SCN2A: variants seen among roughly 807,000 people sequenced by gnomAD.
SCN2A encodes sodium voltage-gated channel alpha subunit 2.
A neutral mutation model predicts 188.7 loss-of-function variants in SCN2A; 20 were observed. The observed-to-expected ratio is 0.11, with a 90% CI of 0.07 to 0.15. The LOEUF (loss-of-function observed/expected upper bound fraction) is 0.15, where lower values mean the gene tolerates loss of function less well. Among genes scored for constraint, SCN2A ranks in the 10% least tolerant of loss-of-function variants. SCN2A has a pLI of 1.00. For missense variants in SCN2A, 1,278 were observed against 2,445.0 expected, an observed-to-expected ratio of 0.52 and a Z score of 10.07; for synonymous variants, 804 against 833.1, an observed-to-expected ratio of 0.97 and a Z score of 0.60.
At chr2:165,289,402 T>C (rs1574507736) in intron 1 of SCN2A, among the ~76,000 whole-genome samples, 1 of 152,082 alleles carries the variant, frequency 6.6e-6, no homozygotes, top group African/African-American at 2.4e-5. Context: ...GAATTTAGAA[T>C]CCCAATTCTT....
intron 17 of SCN2A, among the ~76,000 whole-genome samples, chr2:165,364,214 C>T (rs1574688880): frequency 6.6e-6 from 1 of 151,994 alleles, no homozygotes; most frequent in Non-Finnish European, 1.5e-5. Context: ...GTAACAGGTC[C>T]GAGAATGCTG....
intron 19 of SCN2A, among the ~76,000 whole-genome samples, chr2:165,367,724 T>A (rs1034960165): frequency 2.6e-5 from 4 of 152,194 alleles, no homozygotes; most frequent in Non-Finnish European, 5.9e-5. Flanking sequence ...CCCTGACCCC[T>A]TTGCAGGTGA....
At chr2:165,349,198 G>A (rs73969372) in intron 16 of SCN2A, among the ~76,000 whole-genome samples, 4,547 of 152,272 alleles carry the variant, frequency 0.03, 211 homozygotes, top group African/African-American at 0.1. Context: ...AAAAGAAAAC[G>A]CAGAGAACAG....
At chr2:165,303,533 C>T (rs1270384584) in intron 3 of SCN2A, among the ~76,000 whole-genome samples, 1 of 152,014 alleles carries the variant, frequency 6.6e-6, no homozygotes, top group Non-Finnish European at 1.5e-5. Context: ...CCTCGGCCTC[C>T]CAAAGTGCTG....
At chr2:165,297,862 G>A (rs1234654134) in intron 3 of SCN2A, among the ~76,000 whole-genome samples, 1 of 151,954 alleles carries the variant, frequency 6.6e-6, no homozygotes, top group Admixed American at 6.5e-5. Flanking sequence ...TGAAGCACCT[G>A]CTTTCCAAAA....
At position 165,295,058 on chromosome 2, in the gene SCN2A, G is replaced by C. The variant is rs559734244; in HGVS notation, c.-51-715G>C. Reference sequence around the variant, plus strand: ...AGCTAGCAGCAGGTTGCTAAGCCAGGGGGTCCGAGCTACAGACCTCTGATG... The same window carrying C: ...AGCTAGCAGCAGGTTGCTAAGCCAGCGGGTCCGAGCTACAGACCTCTGATG... On this transcript the variant is annotated intron_variant, in intron 1 of 26. Coordinates refer to ENST00000375437, the MANE Select transcript of SCN2A (RefSeq NM_001040142.2). Among the ~76,000 whole-genome samples, 3 of 152,114 alleles carry C rather than the reference G, an allele frequency of 2.0e-5. No homozygotes were observed. The East Asian group carries it at 5.8e-4, about 29-fold the overall frequency.
chr2:165,350,470 T>C (rs1244043448), intron 16 of SCN2A, among the ~76,000 whole-genome samples: 2 of 93,058 alleles, frequency 2.1e-5, no homozygotes, highest in African/African-American at 5.5e-5. Context: ...CTTTCTTTTT[T>C]TTTTTTTTTT....
At chr2:165,294,668 C>T (rs1696404024) in intron 1 of SCN2A, among the ~76,000 whole-genome samples, 1 of 151,990 alleles carries the variant, frequency 6.6e-6, no homozygotes, top group African/African-American at 2.4e-5. Context: ...GATTAAGTGT[C>T]ATTTAGGAGT....
chr2:165,263,886 ATT>A lies in SCN2A; in HGVS notation c.-52+24257_-52+24258del, dbSNP rs35091347. Among the ~76,000 whole-genome samples the A allele has an allele frequency of 2.5e-4, 37 of 146,170 alleles. 1 individual carries two copies. In the East Asian group the frequency reaches 6.7e-3, roughly 26 times the overall value. ...CGTTAAGTATATTCCTAAGTATTCT[ATT>A]TTTTTTTTTTGCAGCTATTGTAAAA... On this transcript the variant is annotated intron_variant, in intron 1 of 26. Coordinates refer to ENST00000375437, the MANE Select transcript of SCN2A (RefSeq NM_001040142.2).
intron 1 of SCN2A, among the ~76,000 whole-genome samples, chr2:165,253,671 A>G (rs573011292): frequency 6.6e-6 from 1 of 152,162 alleles, no homozygotes; most frequent in African/African-American, 2.4e-5. Flanking sequence ...TGTAGAAACT[A>G]AGTTGCAGAC....
intron 16 of SCN2A, among the ~76,000 whole-genome samples, chr2:165,350,843 C>T (rs1217292442): frequency 6.6e-6 from 1 of 152,052 alleles, no homozygotes; most frequent in Non-Finnish European, 1.5e-5. Context: ...CCTTCGGTAA[C>T]AAAGGAAGTC....
chr2:165,285,924 G>T, intron 1 of SCN2A: 1 of 226,938 alleles, frequency 4.4e-6, no homozygotes, highest in South Asian at 7.8e-5. Context: ...GAATTGATTT[G>T]CCAGCAGAAC....
chr2:165,354,602 A>C lies in SCN2A; in HGVS notation c.3330A>C (p.Gly1110=), dbSNP rs138143967. The change falls in exon 17 of 27, where the codon GGA becomes GGC. Residue 1110 remains glycine, a synonymous_variant. Transcript: ENST00000375437. ...SLTVTVPIAV[G]ESDFENLNTE... ...CTGTGACAGTACCAATTGCTGTTGGAGAATCTGACTTTGAAAATTTAAATA... is the reference window on the plus strand; with the variant it reads ...CTGTGACAGTACCAATTGCTGTTGGCGAATCTGACTTTGAAAATTTAAATA... The C allele has an allele frequency of 1.1e-4, 180 of 1,613,958 alleles. No homozygotes were observed. Among genetic ancestry groups the C allele is most frequent in the Non-Finnish European group, 1.5e-4 (175 of 1,179,970 alleles).
intron 20 of SCN2A, chr2:165,371,993 C>T (rs1284535121): frequency 6.6e-6 from 1 of 152,206 alleles, no homozygotes; most frequent in Non-Finnish European, 1.5e-5. Context: ...CCAGTAAATA[C>T]TACCCCATTC....
intron 1 of SCN2A, among the ~76,000 whole-genome samples, chr2:165,279,560 A>T (rs1234689824): frequency 1.3e-5 from 2 of 152,094 alleles, no homozygotes; most frequent in Non-Finnish European, 2.9e-5. Flanking sequence ...TAAAAATATT[A>T]TATTAGTAAT....
At position 165,392,029 on chromosome 2, in the gene SCN2A, G is replaced by T. The variant is rs558358975; in HGVS notation, c.*2205G>T. 469 of 152,552 alleles carry T rather than the reference G, an allele frequency of 3.1e-3. No homozygotes were observed. Among genetic ancestry groups the T allele is most frequent in the African/African-American group, 0.011 (444 of 41,518 alleles). The allele number at this position is 152,552 out of a possible 1,614,324, so 9.4% of individuals were successfully genotyped here. On this transcript the variant is annotated 3_prime_UTR_variant, in exon 27 of 27. Coordinates refer to ENST00000375437, the MANE Select transcript of SCN2A (RefSeq NM_001040142.2). ...TTACAATCAAGCCAAAAGAATAAAG[G>T]TTTCGCTTTTGTTTTTGTATTTAAT...
intron 7 of SCN2A, 147 bp from the exon 8 acceptor site, chr2:165,311,878 G>A (rs1486589888): frequency 1.2e-5 from 8 of 644,572 alleles, no homozygotes; most frequent in Non-Finnish European, 2.2e-5. Flanking sequence ...GTTCAATATT[G>A]TGAAAAATCT....
intron 17 of SCN2A, among the ~76,000 whole-genome samples, chr2:165,360,157 T>C (rs1470955931): frequency 6.6e-6 from 1 of 151,974 alleles, no homozygotes; most frequent in Non-Finnish European, 1.5e-5. Context: ...CTACTAATTA[T>C]GTTTTCTTCG....
At chr2:165,252,539 G>A (rs1694140528) in intron 1 of SCN2A, among the ~76,000 whole-genome samples, 1 of 151,878 alleles carries the variant, frequency 6.6e-6, no homozygotes, top group Admixed American at 6.6e-5. Flanking sequence ...TTAAAAAAGA[G>A]CATCATGCCA....
Sources: allele counts gnomAD v4.1 joint callset (sites outside exome capture counted in the v4.1 genomes callset), GRCh38; gene constraint gnomAD v4.1.1; transcripts MANE v1.5; gene names NCBI Gene and HGNC (gene_info 2026-07-23, HGNC 2026-07-21).